The following ATR variants were observed in gnomAD, a reference collection of about 807,000 sequenced individuals.
The protein encoded by ATR is ATR checkpoint kinase.
In ATR, 142 loss-of-function variants were observed where a neutral mutation model predicts 305.3. That is an observed-to-expected ratio of 0.47 (90% CI 0.41 to 0.53). ATR has a LOEUF of 0.53. Among genes scored for constraint, ATR ranks in the 20% least tolerant of loss-of-function variants. The pLI, the probability that ATR is intolerant of heterozygous loss-of-function variation, is 0.00. For synonymous variants in ATR, 1,050 were observed against 1,068.1 expected (o/e 0.98, Z 0.33); for missense variants, 2,135 against 3,133.1 (o/e 0.68, Z 7.60).
intron 35 of ATR, among the ~76,000 whole-genome samples, chr3:142,489,366 C>A (rs888114492): frequency 4.6e-5 from 7 of 152,054 alleles, no homozygotes; most frequent in African/African-American, 1.7e-4. Flanking sequence ...TTTAAATCAA[C>A]TTTCTTAAGA....
At position 142,505,267 on chromosome 3, in the gene ATR, C is replaced by A. The variant is rs2032178117; in HGVS notation, c.5068G>T (p.Ala1690Ser). 6.2e-7 allele frequency: 1 copy of A among 1,613,908 alleles called. No homozygotes were observed. Among genetic ancestry groups the A allele is most frequent in the Non-Finnish European group, 8.5e-7 (1 of 1,179,988 alleles). ...YAAMHEPDGV[A>S]GVSAIRKAEP... is the part of the protein sequence containing the mutation. ...GCCTTTCTAATTGCACTGACTCCGG[C>A]CACTCCATCAGGTTCATGCATAGCA... Residue 1690 changes from alanine (A) to serine (S), a missense_variant, in exon 29 of 47, where the codon GCC becomes TCC. Coordinates refer to ENST00000350721, the MANE Select transcript of ATR (RefSeq NM_001184.4).
At position 142,524,232 on chromosome 3, in the gene ATR, A is replaced by G. The variant is rs576864566; in HGVS notation, c.3946-33T>C. ...AAAAGTAGAAAGAAAATTTATACGT[A>G]ATTTCTACAAACTAGTATGTTTTCC... On this transcript the variant is annotated intron_variant, in intron 21 of 46. Coordinates refer to ENST00000350721, the MANE Select transcript of ATR (RefSeq NM_001184.4). 9 of 1,542,540 alleles carry G rather than the reference A, an allele frequency of 5.8e-6. No individual in the cohort carries two copies. The African/African-American group carries it at 1.1e-4, about 19-fold the overall frequency.
At chr3:142,528,325 C>A (rs1239716234) in intron 21 of ATR, among the ~76,000 whole-genome samples, 3 of 152,104 alleles carry the variant, frequency 2.0e-5, no homozygotes, top group South Asian at 4.2e-4. Context: ...GATTGAGTTT[C>A]TATATATATC....
intron 46 of ATR, 163 bp from the exon 47 acceptor site, chr3:142,449,765 G>T: frequency 1.3e-6 from 1 of 749,666 alleles, no homozygotes; most frequent in South Asian, 1.8e-5. Context: ...AATACAGTTA[G>T]CTTGTGATAC....
intron 1 of ATR, 151 bp from the exon 2 acceptor site, chr3:142,568,305 AAT>A (rs781759667): frequency 1.5e-6 from 1 of 668,200 alleles, no homozygotes; most frequent in South Asian, 1.9e-5. Flanking sequence ...AGAAAATCTG[AAT>A]ATGTTACCAA....
At chr3:142,523,579 A>G (rs2033247362) in intron 22 of ATR, among the ~76,000 whole-genome samples, 1 of 152,220 alleles carries the variant, frequency 6.6e-6, no homozygotes, top group South Asian at 2.1e-4. Context: ...ATACATTAAA[A>G]GTCACATTTT....
At position 142,562,359 on chromosome 3, in the gene ATR, T is replaced by C. The variant is rs764447369; in HGVS notation, c.1043A>G (p.His348Arg). 1.9e-6 allele frequency: 3 copies of C among 1,614,142 alleles called. No homozygotes were observed. Among genetic ancestry groups the C allele is most frequent in the East Asian group, 2.2e-5 (1 of 44,876 alleles). ...AAATTTAAGGAAATACTGCAGTAAA[T>C]GGCACAAAGCTGCTTTTAGCAAATC... ...KSDLLKAALCHLLQYFLKFVP... is the reference protein window; with the variant it reads ...KSDLLKAALCRLLQYFLKFVP... The change falls in exon 4 of 47, where the codon CAT (histidine) becomes CGT (arginine). Residue 348 changes from histidine to arginine, a missense_variant. Physicochemically the swap from His to Arg is conservative, Grantham distance 29 (BLOSUM62 0). Coordinates refer to ENST00000350721, the MANE Select transcript of ATR (RefSeq NM_001184.4).
chr3:142,532,287 C>T (rs189243636), intron 21 of ATR, among the ~76,000 whole-genome samples: 23 of 152,122 alleles, frequency 1.5e-4, no homozygotes, highest in East Asian at 3.9e-4. Context: ...TATGTGTAAA[C>T]GTTAGTAAAT....
In ATR at chr3:142,516,476, C is replaced by T. The variant is rs935381677; in HGVS notation, c.4383-961G>A. The stretch of plus-strand genomic sequence containing the variant: ...CGCTAAAGTTACAGAATTCCTTCTA[C>T]GTTTTCATTATTGGCTCTCTTCTGT... On this transcript the variant is annotated intron_variant, in intron 24 of 46. Coordinates refer to ENST00000350721, the MANE Select transcript of ATR (RefSeq NM_001184.4). Among the ~76,000 whole-genome samples, 18 of 152,154 alleles carry T rather than the reference C, an allele frequency of 1.2e-4. 1 individual carries two copies. Among genetic ancestry groups the T allele is most frequent in the Admixed American group, 9.8e-4 (15 of 15,268 alleles).
chr3:142,469,397 T>A lies in ATR; in HGVS notation c.6492A>T (p.Ile2164=), dbSNP rs2108278810. ...DEVFVVLMEI[I]AKVFLAYPQQ... ...GAGGATAGGCTAGAAATACTTTGGC[T>A]ATTATTTCCATCAAGACAACAAAAA... The change falls in exon 38 of 47, where the codon ATA becomes ATT. Residue 2164 remains isoleucine (I), a synonymous_variant. Coordinates refer to ENST00000350721, the MANE Select transcript of ATR (RefSeq NM_001184.4). 2 of 1,613,972 alleles carry A rather than the reference T, an allele frequency of 1.2e-6. No individual in the cohort carries two copies. Among genetic ancestry groups the A allele is most frequent in the Non-Finnish European group, 1.7e-6 (2 of 1,179,944 alleles).
At chr3:142,456,913 G>A (rs1449397362) in intron 45 of ATR, among the ~76,000 whole-genome samples, 1 of 152,146 alleles carries the variant, frequency 6.6e-6, no homozygotes, top group Non-Finnish European at 1.5e-5. Context: ...AAAATGTTAA[G>A]TACAGCATTT....
chr3:142,563,257 T>C, intron 3 of ATR, 148 bp from the exon 4 acceptor site: 1 of 861,666 alleles, frequency 1.2e-6, no homozygotes, highest in Non-Finnish European at 1.7e-6. Context: ...CATAATAGTT[T>C]AGAACACAGG....
In ATR at chr3:142,466,356, G is replaced by GGAC; in HGVS notation, c.6864_6865insGTC (p.Gly2288_His2289insVal). 1 of 1,613,924 alleles carries GGAC rather than the reference G, an allele frequency of 6.2e-7. No individual in the cohort carries two copies. Among genetic ancestry groups the GGAC allele is most frequent in the Non-Finnish European group, 8.5e-7 (1 of 1,179,880 alleles). On this transcript the variant is annotated inframe_insertion, in exon 40 of 47. Coordinates refer to ENST00000350721, the MANE Select transcript of ATR (RefSeq NM_001184.4). ...TCAAACCCTGCAATATAGGCCCAAT[G>GGAC]TCCAGGAAATGGTTCATGGCTAGCA...
At position 142,481,836 on chromosome 3, in the gene ATR, T is replaced by A. The variant is rs867920973; in HGVS notation, c.6221+3304A>T. 8.6e-3 allele frequency among the ~76,000 whole-genome samples: 1,308 copies of A among 152,106 alleles called. 22 individuals are homozygous for A. Among genetic ancestry groups the A allele is most frequent in the African/African-American group, 0.029 (1,202 of 41,478 alleles). On this transcript the variant is annotated intron_variant, in intron 36 of 46. Coordinates refer to ENST00000350721, the MANE Select transcript of ATR (RefSeq NM_001184.4). ...TATTTTGATTTATTTATTTATTTTT[T>A]TTTTGAGATAGAGTCTTTCTCTGTC...
intron 21 of ATR, among the ~76,000 whole-genome samples, chr3:142,530,357 T>C (rs943919795): frequency 1.3e-5 from 2 of 152,234 alleles, no homozygotes; most frequent in African/African-American, 4.8e-5. Context: ...CAATTAAAGT[T>C]ATACTGCTAA....
chr3:142,570,800 G>C lies in ATR; in HGVS notation c.60-2646C>G, dbSNP rs142858116. On this transcript the variant is annotated intron_variant, in intron 1 of 46. Coordinates refer to ENST00000350721, the MANE Select transcript of ATR (RefSeq NM_001184.4). ...TAGCAGTAAAGAGAGAAGCCAGATT[G>C]CAAGGGGCTGAAAATCTAATGAAAT... Among the ~76,000 whole-genome samples the C allele has an allele frequency of 2.8e-3, 434 of 152,330 alleles. 1 individual carries two copies. The highest frequency in any genetic ancestry group is 4.0e-3 in the Non-Finnish European group (274 of 68,026).
intron 20 of ATR, 78 bp from the exon 21 acceptor site, chr3:142,535,283 T>A: frequency 1.9e-6 from 3 of 1,562,156 alleles, no homozygotes; most frequent in Non-Finnish European, 2.6e-6. Flanking sequence ...GAATTCTCTA[T>A]ATAGTTACCA....
intron 8 of ATR, among the ~76,000 whole-genome samples, chr3:142,558,321 G>A (rs1415269090): frequency 6.6e-6 from 1 of 151,802 alleles, no homozygotes; most frequent in Non-Finnish European, 1.5e-5. Context: ...TCAGGAGTTC[G>A]AGACCAGCCT....
chr3:142,486,448 C>T (rs1358029198), intron 35 of ATR, among the ~76,000 whole-genome samples: 1 of 152,060 alleles, frequency 6.6e-6, no homozygotes, highest in Admixed American at 6.6e-5. Flanking sequence ...TGTCTTCCTG[C>T]CTTCCTTTCT....
Sources: allele counts gnomAD v4.1 joint callset (sites outside exome capture counted in the v4.1 genomes callset), GRCh38; gene constraint gnomAD v4.1.1; transcripts MANE v1.5; gene names NCBI Gene and HGNC (gene_info 2026-07-23, HGNC 2026-07-21).